The following ELP4 variants were observed in gnomAD, a reference collection of about 807,000 sequenced individuals.
The protein encoded by ELP4 is elongator complex protein 4.
In ELP4, 51 loss-of-function variants were observed where a neutral mutation model predicts 48.9. That is an observed-to-expected ratio of 1.04 (90% CI 0.83 to 1.32). The LOEUF is 1.32. Among genes scored for constraint, ELP4 ranks in the 40% most tolerant of loss-of-function variants. The probability of loss-of-function intolerance (pLI) is 0.00; values close to 1 mark genes in which losing one functional copy is unlikely to be tolerated. For missense variants in ELP4, 519 were observed against 514.6 expected, an observed-to-expected ratio of 1.01 and a Z score of -0.08; for synonymous variants, 210 against 189.2, an observed-to-expected ratio of 1.11 and a Z score of -0.90.
At chr11:31,753,449 A>G (rs766344193) in intron 9 of ELP4, among the ~76,000 whole-genome samples, 7 of 152,216 alleles carry the variant, frequency 4.6e-5, no homozygotes, top group Non-Finnish European at 7.3e-5. Flanking sequence ...TGTCATACCC[A>G]TCAAATTGGT....
intron 8 of ELP4, chr11:31,648,075 T>C (rs1945243088): frequency 3.0e-6 from 1 of 335,244 alleles, no homozygotes; most frequent in African/African-American, 2.1e-5. Context: ...TACTGAGGCA[T>C]GGCTGAGTCA....
chr11:31,634,757 A>C (rs942530248), intron 7 of ELP4, among the ~76,000 whole-genome samples: 2 of 152,066 alleles, frequency 1.3e-5, no homozygotes, highest in Non-Finnish European at 2.9e-5. Context: ...GATTAAATTT[A>C]TGCTTCTTAA....
In ELP4 at chr11:31,604,809, G is replaced by A. The variant is rs1957843957; in HGVS notation, c.653+902G>A. ...CCAAAAATGTTCACTTTATTATGGA[G>A]TTCTCCAATCTATGGATAGAGACTT... On this transcript the variant is annotated intron_variant, in intron 5 of 9. Coordinates refer to ENST00000640961, the MANE Select transcript of ELP4 (RefSeq NM_019040.5). Among the ~76,000 whole-genome samples, 4 of 151,986 alleles carry A rather than the reference G, an allele frequency of 2.6e-5. No individual in the cohort carries two copies. The South Asian group carries it at 8.3e-4, about 31-fold the overall frequency.
chr11:31,636,551 G>A (rs1944981008), intron 7 of ELP4, among the ~76,000 whole-genome samples: 1 of 151,724 alleles, frequency 6.6e-6, no homozygotes, highest in Non-Finnish European at 1.5e-5. Flanking sequence ...TTTCATTGTA[G>A]GGGAAAGAAC....
chr11:31,510,416 GAGAC>G (rs1955968515), intron 1 of ELP4: 1 of 415,436 alleles, frequency 2.4e-6, no homozygotes, highest in Non-Finnish European at 4.3e-6. Context: ...ATAATTGTGA[GAGAC>G]AGACTTCATT....
chr11:31,602,426 A>G (rs970630509), intron 4 of ELP4, among the ~76,000 whole-genome samples: 2 of 151,934 alleles, frequency 1.3e-5, no homozygotes, highest in African/African-American at 4.8e-5. Flanking sequence ...TGTTTTGGGA[A>G]CAAGAATTCT....
intron 3 of ELP4, chr11:31,573,739 C>T (rs964024305): frequency 1.3e-5 from 2 of 151,828 alleles, no homozygotes; most frequent in Admixed American, 1.3e-4. Context: ...ATGTATGGAC[C>T]TGAGGAGGAC....
At chr11:31,572,677 T>C (rs1475262358) in intron 3 of ELP4, among the ~76,000 whole-genome samples, 4 of 152,216 alleles carry the variant, frequency 2.6e-5, no homozygotes, top group African/African-American at 9.6e-5. Context: ...TCCCTTTTTA[T>C]GTTGCTGAAT....
Position 31,565,505 on chromosome 11 carries a change from C to T in ELP4, c.381+25722C>T, listed in dbSNP as rs560526741. ...TTTCTTCTAGGGTTTTTATGGTTTT[C>T]GGTCTAACATTTAAGTCTTTAATCC... On this transcript the variant is annotated intron_variant, in intron 3 of 9. Coordinates refer to ENST00000640961, the MANE Select transcript of ELP4 (RefSeq NM_019040.5). Among the ~76,000 whole-genome samples the T allele has an allele frequency of 7.9e-4, 117 of 147,472 alleles. 1 individual carries two copies. Among genetic ancestry groups the T allele is most frequent in the Admixed American group, 2.6e-3 (39 of 14,832 alleles).
chr11:31,629,319 C>T (rs999008608), intron 6 of ELP4, among the ~76,000 whole-genome samples: 37 of 151,896 alleles, frequency 2.4e-4, no homozygotes, highest in South Asian at 2.1e-4. Flanking sequence ...TTATGCCACA[C>T]AGTATGCCCC....
chr11:31,632,485 A>T (rs1006228248), intron 7 of ELP4, 80 bp downstream of exon 7: 1 of 1,125,344 alleles, frequency 8.9e-7, no homozygotes. Context: ...CATTTCCATG[A>T]TAACTAATGA....
At chr11:31,734,329 T>G (rs545775545) in intron 9 of ELP4, among the ~76,000 whole-genome samples, 2 of 152,358 alleles carry the variant, frequency 1.3e-5, no homozygotes, top group Middle Eastern at 3.4e-3. Flanking sequence ...TTCTTGCCAC[T>G]TCTATCGAAC....
chr11:31,627,173 A>G lies in ELP4; in HGVS notation c.717A>G (p.Gly239=). The change falls in exon 6 of 10, where the codon GGA becomes GGG. Residue 239 remains glycine (G), a synonymous_variant. Transcript: ENST00000640961. ...TCCAGAACATCATTTATGAGGAAGG[A>G]TTTGATGGATCCAATCCTCAGGTAT... ...QFIQNIIYEE[G]FDGSNPQKKQ... 1 of 1,545,658 alleles carries G rather than the reference A, an allele frequency of 6.5e-7. No homozygotes were observed. Among genetic ancestry groups the G allele is most frequent in the South Asian group, 1.1e-5 (1 of 88,758 alleles).
intron 7 of ELP4, among the ~76,000 whole-genome samples, chr11:31,635,126 A>G (rs1247823673): frequency 3.3e-5 from 5 of 152,036 alleles, no homozygotes; most frequent in African/African-American, 9.6e-5. Flanking sequence ...ACCCATCATT[A>G]TATAAATATG....
chr11:31,644,746 T>C (rs1945167910), intron 7 of ELP4, among the ~76,000 whole-genome samples: 1 of 151,794 alleles, frequency 6.6e-6, no homozygotes, highest in African/African-American at 2.4e-5. Flanking sequence ...ATTACATCAA[T>C]AGACCATATT....
intron 7 of ELP4, among the ~76,000 whole-genome samples, chr11:31,644,303 G>A (rs1945157339): frequency 6.6e-6 from 1 of 151,776 alleles, no homozygotes; most frequent in Admixed American, 6.6e-5. Flanking sequence ...TTCCGTACTG[G>A]AAACGATATT....
chr11:31,642,293 T>A (rs771319800), intron 7 of ELP4, among the ~76,000 whole-genome samples: 2 of 151,942 alleles, frequency 1.3e-5, no homozygotes, highest in African/African-American at 2.4e-5. Flanking sequence ...AGTGTAAATA[T>A]AATATAAACA....
intron 9 of ELP4, among the ~76,000 whole-genome samples, chr11:31,768,931 C>T (rs1436715240): frequency 2.0e-5 from 3 of 152,156 alleles, no homozygotes; most frequent in Non-Finnish European, 4.4e-5. Context: ...TTGGGCAGCA[C>T]ATGCTTCGGT....
intron 9 of ELP4, among the ~76,000 whole-genome samples, chr11:31,721,170 A>G (rs1946952076): frequency 6.6e-6 from 1 of 152,170 alleles, no homozygotes; most frequent in Admixed American, 6.6e-5. Context: ...CCATCCCTGG[A>G]AAGATGTACT....
Sources: gnomAD v4.1 joint callset for allele counts (sites outside exome capture counted in the v4.1 genomes callset) on GRCh38, gnomAD v4.1.1 for gene constraint, MANE v1.5 for transcripts, NCBI Gene and HGNC (gene_info 2026-07-23, HGNC 2026-07-21) for gene names.